Variants in LAMA2 observed in about 807,000 individuals in gnomAD.
LAMA2 encodes the protein laminin subunit alpha-2.
LAMA2 carries 269 observed loss-of-function variants against 364.8 expected under a neutral mutation model. The ratio of observed to expected loss-of-function variants is 0.74; its 90% CI spans 0.67 to 0.82. LAMA2 has a LOEUF of 0.82. Ranked by LOEUF, LAMA2 falls within the 40% of genes least tolerant of loss-of-function variation. The probability of loss-of-function intolerance (pLI) is 0.00; values close to 1 mark genes in which losing one functional copy is unlikely to be tolerated. For synonymous variants in LAMA2, 1,379 were observed against 1,370.6 expected, an observed-to-expected ratio of 1.01 and a Z score of -0.14; for missense variants, 3,807 against 3,873.2, an observed-to-expected ratio of 0.98 and a Z score of 0.45.
At chr6:129,221,534 CAGTATCATTATCAAAG>C (rs1562347042) in intron 12 of LAMA2, among the ~76,000 whole-genome samples, 1 of 151,794 alleles carries the variant, frequency 6.6e-6, no homozygotes, top group Non-Finnish European at 1.5e-5. Context: ...AATAGCAAAT[CAGTATCATTATCAAAG>C]AGATAATGGA....
intron 22 of LAMA2, among the ~76,000 whole-genome samples, chr6:129,306,723 A>T (rs1773902503): frequency 6.6e-6 from 1 of 151,888 alleles, no homozygotes; most frequent in Non-Finnish European, 1.5e-5. Context: ...TGATTTTTTA[A>T]TGCAGCCTAA....
intron 64 of LAMA2, among the ~76,000 whole-genome samples, 200 bp from the exon 65 acceptor site, chr6:129,515,990 A>G (rs569323155): frequency 1.3e-5 from 2 of 151,998 alleles, no homozygotes; most frequent in Non-Finnish European, 2.9e-5. Context: ...TGGGCAACAG[A>G]GCAAGAACCT....
chr6:129,226,782 A>G (rs1283948306), intron 12 of LAMA2, among the ~76,000 whole-genome samples: 6 of 151,812 alleles, frequency 4.0e-5, no homozygotes, highest in Non-Finnish European at 5.9e-5. Context: ...CTTCATTTCA[A>G]CTTTGGTGAA....
At chr6:129,159,478 G>A (rs1218299545) in intron 8 of LAMA2, among the ~76,000 whole-genome samples, 1 of 152,250 alleles carries the variant, frequency 6.6e-6, no homozygotes, top group African/African-American at 2.4e-5. Context: ...ATCTGCCGGG[G>A]AGAGCGGCTT....
chr6:129,323,136 C>A (rs950504606), intron 28 of LAMA2, among the ~76,000 whole-genome samples: 1 of 152,070 alleles, frequency 6.6e-6, no homozygotes, highest in Non-Finnish European at 1.5e-5. Flanking sequence ...TCCATTATAC[C>A]TCTTATTTAT....
intron 3 of LAMA2, among the ~76,000 whole-genome samples, chr6:129,071,815 C>T (rs750795152): frequency 1.8e-4 from 28 of 151,792 alleles, no homozygotes; most frequent in Non-Finnish European, 3.7e-4. Flanking sequence ...TGTTTTTATC[C>T]AACATATGGC....
intron 1 of LAMA2, among the ~76,000 whole-genome samples, chr6:128,986,531 T>A (rs1055990733): frequency 6.6e-6 from 1 of 152,182 alleles, no homozygotes; most frequent in African/African-American, 2.4e-5. Flanking sequence ...CATATTTGTA[T>A]CTTTTTTCTC....
intron 4 of LAMA2, among the ~76,000 whole-genome samples, chr6:129,119,619 C>T (rs1415859304): frequency 6.6e-6 from 1 of 152,128 alleles, no homozygotes; most frequent in Non-Finnish European, 1.5e-5. Context: ...TCGATCTTGG[C>T]TCACTGCAAG....
At chr6:129,425,899 C>A (rs996125559) in intron 40 of LAMA2, among the ~76,000 whole-genome samples, 2 of 151,720 alleles carry the variant, frequency 1.3e-5, no homozygotes, top group Admixed American at 6.6e-5. Flanking sequence ...AATCCTGTGC[C>A]TCACTTTGCA....
chr6:129,343,790 A>C (rs1161182512), intron 30 of LAMA2, among the ~76,000 whole-genome samples: 1 of 152,204 alleles, frequency 6.6e-6, no homozygotes, highest in Non-Finnish European at 1.5e-5. Context: ...TCAAAGGCAC[A>C]AAACACCACA....
At chr6:128,933,492 C>G (rs1779622668) in intron 1 of LAMA2, among the ~76,000 whole-genome samples, 1 of 152,138 alleles carries the variant, frequency 6.6e-6, no homozygotes, top group Non-Finnish European at 1.5e-5. Context: ...AATCTCTATG[C>G]TTAATGCTGT....
chr6:128,920,460 T>G (rs1778629247), intron 1 of LAMA2, among the ~76,000 whole-genome samples: 1 of 152,084 alleles, frequency 6.6e-6, no homozygotes, highest in Admixed American at 6.5e-5. Context: ...CGGTCCCTCA[T>G]GCTCCATTTT....
Position 129,314,772 on chromosome 6 carries a change from G to A in LAMA2, c.3529G>A (p.Glu1177Lys). ...CTTCGGCACTACTACCCAGTGCTCT[G>A]AAGCAAAAGGACTGATCCGGACGTG... ...YCFGTTTQCS[E>K]AKGLIRTWVT... Residue 1177 changes from glutamate to lysine, a missense_variant, in exon 24 of 65, where the codon GAA becomes AAA. Physicochemically the swap from Glu to Lys is moderately conservative, Grantham distance 56. Coordinates refer to ENST00000421865, the MANE Select transcript of LAMA2 (RefSeq NM_000426.4). The A allele has an allele frequency of 3.1e-6, 5 of 1,614,082 alleles. No homozygotes were observed. Among genetic ancestry groups the A allele is most frequent in the Non-Finnish European group, 4.2e-6 (5 of 1,180,024 alleles).
intron 12 of LAMA2, among the ~76,000 whole-genome samples, chr6:129,203,176 T>C (rs1212477644): frequency 6.6e-6 from 1 of 152,232 alleles, no homozygotes; most frequent in Non-Finnish European, 1.5e-5. Context: ...ATTTCAAACT[T>C]AAAGAAAGAA....
intron 1 of LAMA2, among the ~76,000 whole-genome samples, chr6:128,977,566 C>CT (rs1056486553): frequency 1.1e-4 from 17 of 151,406 alleles, no homozygotes; most frequent in African/African-American, 3.1e-4. Context: ...CCAAACTTTT[C>CT]TTTTTTTTTG....
intron 34 of LAMA2, among the ~76,000 whole-genome samples, chr6:129,378,189 T>C (rs150519016): frequency 0.012 from 1,806 of 152,282 alleles, 32 homozygotes; most frequent in African/African-American, 0.041. Flanking sequence ...ATTTGTCAAA[T>C]ACTCAAAGGA....
At chr6:129,143,863 GA>G in intron 4 of LAMA2, 37 bp from the exon 5 acceptor site, 1 of 1,435,636 alleles carries the variant, frequency 7.0e-7, no homozygotes, top group Non-Finnish European at 9.7e-7. Flanking sequence ...TTAAATTTTG[GA>G]AAACATAATT....
intron 1 of LAMA2, among the ~76,000 whole-genome samples, chr6:128,927,512 G>A (rs144948613): frequency 2.6e-5 from 4 of 151,742 alleles, no homozygotes; most frequent in Non-Finnish European, 4.4e-5. Flanking sequence ...ATCCTTATTC[G>A]CATATTCCTT....
At position 129,140,249 on chromosome 6, in the gene LAMA2, A is replaced by T. The variant is rs186811321; in HGVS notation, c.640-3652A>T. ...CTAATCTGTAAAGCAAACATGATTTATATAGTATGCTTACATTAGTAAATC... is the reference window on the plus strand; with the variant it reads ...CTAATCTGTAAAGCAAACATGATTTTTATAGTATGCTTACATTAGTAAATC... On this transcript the variant is annotated intron_variant, in intron 4 of 64. Transcript: ENST00000421865. Among the ~76,000 whole-genome samples the T allele has an allele frequency of 1.8e-4, 27 of 152,274 alleles. No homozygotes were observed. The East Asian group carries it at 5.2e-3, about 29-fold the overall frequency.
Sources: gnomAD v4.1 joint callset for allele counts (sites outside exome capture counted in the v4.1 genomes callset) on GRCh38, gnomAD v4.1.1 for gene constraint, MANE v1.5 for transcripts, NCBI Gene and HGNC (gene_info 2026-07-23, HGNC 2026-07-21) for gene names.